The following ASIC1 variants were observed in gnomAD, a reference collection of about 807,000 sequenced individuals.
ASIC1 encodes the protein acid-sensing ion channel 1.
ASIC1 carries 21 observed loss-of-function variants against 63.4 expected under a neutral mutation model. That is an observed-to-expected ratio of 0.33 (90% CI 0.23 to 0.48). ASIC1 has a LOEUF of 0.48. Among genes scored for constraint, ASIC1 ranks in the 20% least tolerant of loss-of-function variants. The pLI is 0.99. For synonymous variants in ASIC1, 258 were observed against 278.2 expected (o/e 0.93, Z 0.72); for missense variants, 478 against 695.5 (o/e 0.69, Z 3.52).
rs569695804 is a variant in ASIC1, at chr12:50,069,186, G to A, written c.559-8027G>A. 2.6e-4 allele frequency among the ~76,000 whole-genome samples: 38 copies of A among 145,980 alleles called. No individual in the cohort carries two copies. In the South Asian group the frequency reaches 6.9e-3, roughly 27 times the overall value. ...CCTCCACAGCGGTAAGCGCTAGTGCGCACGTGCACACACACAAATATATAC... is the reference window on the plus strand; with the variant it reads ...CCTCCACAGCGGTAAGCGCTAGTGCACACGTGCACACACACAAATATATAC... On this transcript the variant is annotated intron_variant, in intron 3 of 11. Transcript: ENST00000447966.
In ASIC1 at chr12:50,059,221, C is replaced by T; in HGVS notation, c.362+93C>T. On this transcript the variant is annotated intron_variant, in intron 2 of 11. Coordinates refer to ENST00000447966, the MANE Select transcript of ASIC1 (RefSeq NM_001095.4). The surrounding 1 kb of genome is among the most constrained non-coding windows in gnomAD (Gnocchi z 4.6). ...CTCCCTGACCCACCATAGAGCCCAG[C>T]CAACCCTGCCCTTTAACCCACCCCC... The T allele has an allele frequency of 1.3e-6, 2 of 1,513,670 alleles. No homozygotes were observed. Among genetic ancestry groups the T allele is most frequent in the Non-Finnish European group, 8.9e-7 (1 of 1,128,852 alleles). The allele number at this position is 1,513,670 out of a possible 1,614,324, so 93.8% of individuals were successfully genotyped here. A position where few individuals can be genotyped will look rare whatever the true frequency, so the allele number is the denominator to read the frequency against.
chr12:50,076,629 A>G (rs1950657879), intron 3 of ASIC1: 1 of 194,812 alleles, frequency 5.1e-6, no homozygotes, highest in Non-Finnish European at 1.1e-5. Context: ...ATGAAAATGT[A>G]TATGTCAGGG....
chr12:50,073,551 G>A, intron 3 of ASIC1: 1 of 1,471,000 alleles, frequency 6.8e-7, no homozygotes, highest in Non-Finnish European at 9.0e-7. Context: ...CCTTCCTCCT[G>A]CAAATCCCTG....
At position 50,059,270 on chromosome 12, in the gene ASIC1, C is replaced by T; in HGVS notation, c.362+142C>T. The T allele has an allele frequency of 7.9e-7, 1 of 1,266,606 alleles. No homozygotes were observed. The highest frequency in any genetic ancestry group is 1.5e-5 in the African/African-American group (1 of 66,860). The allele number at this position is 1,266,606 out of a possible 1,614,324, so 78.5% of individuals were successfully genotyped here. On this transcript the variant is annotated intron_variant, in intron 2 of 11. Transcript: ENST00000447966. This position sits in a 1 kb window ranked among gnomAD's most constrained non-coding sequence, Gnocchi z 4.6. ...CCACCCCCAAACCTGCCACTCACAG[C>T]AGAGGAGTTAGGGTGCTGCTGAGCA...
chr12:50,078,816 C>G lies in ASIC1; in HGVS notation c.995-108C>G. The G allele has an allele frequency of 7.1e-7, 1 of 1,403,072 alleles. No homozygotes were observed. Among genetic ancestry groups the G allele is most frequent in the Non-Finnish European group, 1.0e-6 (1 of 991,500 alleles). 86.9% of individuals were successfully genotyped at this position (1,403,072 alleles called of 1,614,324 possible). ...GGGGCAGCATGGGGGCCTGCCAGTCCTCCCTTCCCATCTTCTCCCAGCTTA... is the reference window on the plus strand; with the variant it reads ...GGGGCAGCATGGGGGCCTGCCAGTCGTCCCTTCCCATCTTCTCCCAGCTTA... On this transcript the variant is annotated intron_variant, in intron 6 of 11. Transcript: ENST00000447966. This position sits in a 1 kb window ranked among gnomAD's most constrained non-coding sequence, Gnocchi z 6.0.
At chr12:50,077,791 A>G (rs1484019470) in intron 4 of ASIC1, among the ~76,000 whole-genome samples, 5 of 152,044 alleles carry the variant, frequency 3.3e-5, no homozygotes, top group African/African-American at 1.2e-4. Flanking sequence ...GTAAGAAAAG[A>G]AGTGTGTAGG....
At chr12:50,075,130 G>C (rs765453984) in intron 3 of ASIC1, among the ~76,000 whole-genome samples, 15 of 151,962 alleles carry the variant, frequency 9.9e-5, no homozygotes, top group South Asian at 2.1e-4. Context: ...TGCCCCACCA[G>C]CTCCCAGATG....
At chr12:50,079,110 C>A in intron 7 of ASIC1, 130 bp downstream of exon 7, 2 of 912,868 alleles carry the variant, frequency 2.2e-6, no homozygotes, top group Non-Finnish European at 3.4e-6. Context: ...TCTCTTGTGT[C>A]TGACATTAAA....
At chr12:50,072,355 T>A (rs1950607957) in intron 3 of ASIC1, among the ~76,000 whole-genome samples, 1 of 152,166 alleles carries the variant, frequency 6.6e-6, no homozygotes, top group Admixed American at 6.5e-5. Flanking sequence ...CGGGTCACCT[T>A]CTTGGCCCTG....
rs746491448 is a variant in ASIC1 at position 50,081,284 on chromosome 12, C to G, written c.1402C>G (p.Arg468Gly). The G allele has an allele frequency of 8.1e-6, 13 of 1,610,060 alleles. No homozygotes were observed. The highest frequency in any genetic ancestry group is 3.3e-5 in the South Asian group (3 of 90,084). ...GGTCATTAAGCACAAGCTGTGCCGACGAGGAAAATGCCAGAAGGAGGCCAA... is the reference window on the plus strand; with the variant it reads ...GGTCATTAAGCACAAGCTGTGCCGAGGAGGAAAATGCCAGAAGGAGGCCAA... ...YEVIKHKLCR[R>G]GKCQKEAKRS... is the part of the protein sequence containing the mutation. Residue 468 changes from arginine to glycine, a missense_variant, in exon 11 of 12, where the codon CGA (arginine) becomes GGA (glycine). Arg to Gly is a moderately radical substitution (Grantham distance 125). This residue lies in a region of ASIC1 where 104 missense variants were observed against 97.0 expected (regional missense o/e 1.07). Transcript: ENST00000447966.
In ASIC1 at chr12:50,080,061, G is replaced by A. The variant is rs1264635123; in HGVS notation, c.1205+6G>A. 2.5e-6 allele frequency: 4 copies of A among 1,605,380 alleles called. No individual in the cohort carries two copies. The highest frequency in any genetic ancestry group is 1.7e-4 in the Middle Eastern group (1 of 6,036). ...AAATCTGAGCAATACATAGGGTAAG[G>A]GCTCTGGCTGGGTAGAGCAAGGCCC... On this transcript the variant is annotated splice_donor_region_variant and intron_variant, in intron 8 of 11. Coordinates refer to ENST00000447966, the MANE Select transcript of ASIC1 (RefSeq NM_001095.4).
chr12:50,075,446 A>G (rs1452272555), intron 3 of ASIC1, among the ~76,000 whole-genome samples: 1 of 152,186 alleles, frequency 6.6e-6, no homozygotes, highest in Non-Finnish European at 1.5e-5. Context: ...CTCTAATCCC[A>G]TACAACTCCG....
At chr12:50,066,300 G>C (rs779651767) in intron 3 of ASIC1, among the ~76,000 whole-genome samples, 8 of 152,230 alleles carry the variant, frequency 5.3e-5, no homozygotes, top group Non-Finnish European at 1.2e-4. Context: ...CACACAGCTG[G>C]GAAATGACAG....
Position 50,074,478 on chromosome 12 carries a change from C to T in ASIC1, c.559-2735C>T, listed in dbSNP as rs1018868736. Among the ~76,000 whole-genome samples, 3 of 152,194 alleles carry T rather than the reference C, an allele frequency of 2.0e-5. No homozygotes were observed. The highest frequency in any genetic ancestry group is 1.9e-4 in the East Asian group (1 of 5,180). ...CTTTTCCTGTTAGAATCTTGAAACACGTCTGTCTTAGTTGGTATTTTGCTG... is the reference window on the plus strand; with the variant it reads ...CTTTTCCTGTTAGAATCTTGAAACATGTCTGTCTTAGTTGGTATTTTGCTG... On this transcript the variant is annotated intron_variant, in intron 3 of 11. Coordinates refer to ENST00000447966, the MANE Select transcript of ASIC1 (RefSeq NM_001095.4). This position sits in a 1 kb window ranked among gnomAD's most constrained non-coding sequence, Gnocchi z 4.2.
intron 4 of ASIC1, 121 bp from the exon 5 acceptor site, chr12:50,077,879 T>C: frequency 6.9e-7 from 1 of 1,447,522 alleles, no homozygotes; most frequent in South Asian, 1.4e-5. Context: ...CCTATAGACT[T>C]CCCCCACCCC....
Position 50,074,122 on chromosome 12 carries a change from G to C in ASIC1, c.559-3091G>C, listed in dbSNP as rs757908644. The C allele has an allele frequency of 3.9e-6, 6 of 1,535,648 alleles. No homozygotes were observed. In the South Asian group the frequency reaches 5.9e-5, roughly 15 times the overall value. On this transcript the variant is annotated intron_variant, in intron 3 of 11. Transcript: ENST00000447966. The surrounding 1 kb of genome is among the most constrained non-coding windows in gnomAD (Gnocchi z 4.2). Reference sequence around the variant, plus strand: ...GCCCCTCGCTCCACCGGGCCCTGAGGCCTTCTCTGGGGAGCCCTTTAACCT... The same window carrying C: ...GCCCCTCGCTCCACCGGGCCCTGAGCCCTTCTCTGGGGAGCCCTTTAACCT...
Position 50,059,352 on chromosome 12 carries a change from C to T in ASIC1, c.362+224C>T, listed in dbSNP as rs1052526713. Among the ~76,000 whole-genome samples, 2 of 152,214 alleles carry T rather than the reference C, an allele frequency of 1.3e-5. No individual in the cohort carries two copies. The highest frequency in any genetic ancestry group is 2.9e-5 in the Non-Finnish European group (2 of 68,046). ...GCATAGTCCAGAACAGCTCGACCCC[C>T]ACCCAGCCTGAGGTATGAGACATTG... is the stretch of plus-strand genomic sequence containing the variant. On this transcript the variant is annotated intron_variant, in intron 2 of 11. Coordinates refer to ENST00000447966, the MANE Select transcript of ASIC1 (RefSeq NM_001095.4). This position sits in a 1 kb window ranked among gnomAD's most constrained non-coding sequence, Gnocchi z 4.6.
rs1950742870 is a variant in ASIC1, at chr12:50,083,505, C to T, written c.*1856C>T. On this transcript the variant is annotated 3_prime_UTR_variant, in exon 12 of 12. Coordinates refer to ENST00000447966, the MANE Select transcript of ASIC1 (RefSeq NM_001095.4). ...GAGTTTCCTCAGAGATCATACCTCCCCAGAGGGAAGCAGGAATGAGGCCAA... is the reference window on the plus strand; with the variant it reads ...GAGTTTCCTCAGAGATCATACCTCCTCAGAGGGAAGCAGGAATGAGGCCAA... 6.5e-6 allele frequency: 1 copy of T among 152,682 alleles called. No homozygotes were observed. Among genetic ancestry groups the T allele is most frequent in the South Asian group, 2.1e-4 (1 of 4,838 alleles). 9.5% of individuals were successfully genotyped at this position (152,682 alleles called of 1,614,324 possible).
At position 50,059,265 on chromosome 12, in the gene ASIC1, C is replaced by G; in HGVS notation, c.362+137C>G. The stretch of plus-strand genomic sequence containing the variant: ...CACCCCCACCCCCAAACCTGCCACT[C>G]ACAGCAGAGGAGTTAGGGTGCTGCT... On this transcript the variant is annotated intron_variant, in intron 2 of 11. Transcript: ENST00000447966. This position sits in a 1 kb window ranked among gnomAD's most constrained non-coding sequence, Gnocchi z 4.6. The G allele has an allele frequency of 1.6e-6, 2 of 1,284,988 alleles. No individual in the cohort carries two copies. Among genetic ancestry groups the G allele is most frequent in the Non-Finnish European group, 2.1e-6 (2 of 945,670 alleles). The allele number at this position is 1,284,988 out of a possible 1,614,324, so 79.6% of individuals were successfully genotyped here.
Sources: allele counts gnomAD v4.1 joint callset (sites outside exome capture counted in the v4.1 genomes callset), GRCh38; gene constraint gnomAD v4.1.1; regional missense constraint gnomAD v4.1.1; non-coding constraint Gnocchi (gnomAD v3.1); transcripts MANE v1.5; gene names NCBI Gene and HGNC (gene_info 2026-07-23, HGNC 2026-07-21).